The following ACAD10 variants were observed in gnomAD, a reference collection of about 807,000 sequenced individuals.
ACAD10 encodes ACAD-10.
A neutral mutation model predicts 116.8 loss-of-function variants in ACAD10; 112 were observed. That is an observed-to-expected ratio of 0.96 (90% confidence interval 0.82 to 1.12). The LOEUF (loss-of-function observed/expected upper bound fraction) is 1.12. Ranked by LOEUF, ACAD10 falls within the 50% of genes most tolerant of loss-of-function variation. The probability of loss-of-function intolerance (pLI) is 0.00; values close to 1 mark genes in which losing one functional copy is unlikely to be tolerated. For missense variants in ACAD10, 1,259 were observed against 1,350.2 expected (o/e 0.93, Z 1.06); for synonymous variants, 486 against 510.6 (o/e 0.95, Z 0.65).
chr12:111,740,774 C>T (rs1226794281), intron 12 of ACAD10, among the ~76,000 whole-genome samples: 1 of 127,238 alleles, frequency 7.9e-6, no homozygotes, highest in Non-Finnish European at 1.6e-5. Context: ...CAGAGCGAGA[C>T]TCCATCTCAA....
In ACAD10 at chr12:111,715,879, G is replaced by C. The variant is rs775170783; in HGVS notation, c.909G>C (p.Arg303Ser). ...AGTCAAATCCAACTTACTACATCAG[G>C]CTGGCTAATCGTGATCTAGTTCTGA... ...HGQSNPTYYIRLANRDLVLRK... is the reference protein window; with the variant it reads ...HGQSNPTYYISLANRDLVLRK... Residue 303 changes from arginine to serine, a missense_variant, in exon 7 of 21, where the codon AGG (arginine) becomes AGC (serine). Physicochemically the swap from Arg to Ser is moderately radical, Grantham distance 110 (BLOSUM62 -1). Coordinates refer to ENST00000313698, the MANE Select transcript of ACAD10 (RefSeq NM_025247.6). 6.2e-7 allele frequency: 1 copy of C among 1,614,120 alleles called. No homozygotes were observed. Among genetic ancestry groups the C allele is most frequent in the South Asian group, 1.1e-5 (1 of 91,082 alleles).
intron 5 of ACAD10, among the ~76,000 whole-genome samples, chr12:111,710,773 A>G (rs1026659837): frequency 7.9e-5 from 12 of 151,920 alleles, no homozygotes; most frequent in African/African-American, 2.7e-4. Flanking sequence ...CGGCCTCACC[A>G]CGCCCGGCCG....
intron 10 of ACAD10, 90 bp downstream of exon 10, chr12:111,730,046 G>A (rs1889343687): frequency 6.7e-7 from 1 of 1,491,538 alleles, no homozygotes; most frequent in Admixed American, 2.1e-5. Flanking sequence ...ATTTACAGCT[G>A]GGAATTATTC....
At chr12:111,689,430 G>A (rs1465674634) in intron 1 of ACAD10, among the ~76,000 whole-genome samples, 1 of 151,778 alleles carries the variant, frequency 6.6e-6, no homozygotes, top group African/African-American at 2.4e-5. Flanking sequence ...GGAGTGCAGT[G>A]GTGCAATCTT....
Position 111,712,502 on chromosome 12 carries a change from A to T in ACAD10, c.695A>T (p.Asn232Ile). ...ACATATTCTCTCTGAAACCAGGTTA[A>T]TGACCCAGAGACTGCAGTAAAGGAA... Reference protein sequence around the residue: ...ARLGIHTIKVNDPETAVKELE... With the variant: ...ARLGIHTIKVIDPETAVKELE... Residue 232 changes from asparagine (N) to isoleucine (I), a missense_variant, in exon 6 of 21, where the codon AAT becomes ATT. Coordinates refer to ENST00000313698, the MANE Select transcript of ACAD10 (RefSeq NM_025247.6). 8 of 1,611,692 alleles carry T rather than the reference A, an allele frequency of 5.0e-6. No individual in the cohort carries two copies. The highest frequency in any genetic ancestry group is 6.8e-6 in the Non-Finnish European group (8 of 1,179,208).
rs80294185 is a variant in ACAD10, at chr12:111,753,865, C to T, written c.2911C>T (p.Arg971Trp). ...AQSRVEIEQA[R>W]LLVLRAAHLM... is the part of the protein sequence containing the mutation. ...GTCGCGCGTGGAGATTGAGCAGGCACGGCTGCTGGTGCTGAGAGCTGCCCA... is the reference window on the plus strand; with the variant it reads ...GTCGCGCGTGGAGATTGAGCAGGCATGGCTGCTGGTGCTGAGAGCTGCCCA... Residue 971 changes from arginine (R) to tryptophan (W), a missense_variant, in exon 19 of 21, where the codon CGG becomes TGG. Coordinates refer to ENST00000313698, the MANE Select transcript of ACAD10 (RefSeq NM_025247.6). The T allele has an allele frequency of 3.0e-3, 4,801 of 1,613,076 alleles. 123 individuals carry two copies. In the African/African-American group the frequency reaches 0.054, roughly 18 times the overall value.
At chr12:111,742,721 T>G (rs1273886559) in intron 12 of ACAD10, among the ~76,000 whole-genome samples, 4 of 152,218 alleles carry the variant, frequency 2.6e-5, no homozygotes, top group Non-Finnish European at 5.9e-5. Context: ...AAATATTTAT[T>G]TTTTTGAGAC....
intron 7 of ACAD10, among the ~76,000 whole-genome samples, chr12:111,719,407 C>T (rs541479869): frequency 6.6e-6 from 1 of 152,138 alleles, no homozygotes; most frequent in African/African-American, 2.4e-5. Context: ...GCACATACCA[C>T]CATGCCTGGC....
intron 12 of ACAD10, among the ~76,000 whole-genome samples, chr12:111,739,723 A>G (rs1275104527): frequency 6.6e-6 from 1 of 152,124 alleles, no homozygotes; most frequent in African/African-American, 2.4e-5. Flanking sequence ...GCATCACCGC[A>G]GTCTAGCCTG....
rs200923059 is a variant in ACAD10 at position 111,734,014 on chromosome 12, G to A, written c.1486G>A (p.Val496Met). The change falls in exon 11 of 21, where the codon GTG becomes ATG. Residue 496 changes from valine (V) to methionine (M), a missense_variant. By Grantham distance (21) the Val-to-Met change is conservative (BLOSUM62 1). Transcript: ENST00000313698. ...LSTLGDPLADVAYSCLAHYLP... is the reference protein window; with the variant it reads ...LSTLGDPLADMAYSCLAHYLP... ...TACCTTGGGCGACCCCCTTGCTGAT[G>A]TGGCCTACAGCTGCCTGGCTCATTA... The A allele has an allele frequency of 6.2e-6, 10 of 1,614,106 alleles. No homozygotes were observed. The Admixed American group carries it at 6.7e-5, about 11-fold the overall frequency.
intron 5 of ACAD10, among the ~76,000 whole-genome samples, chr12:111,711,563 C>G (rs1432442578): frequency 8.3e-6 from 1 of 121,078 alleles, no homozygotes; most frequent in South Asian, 2.5e-4. Flanking sequence ...CTTGCTCTTT[C>G]GTCCAGTCCA....
At chr12:111,693,936 T>G (rs1261409135) in intron 2 of ACAD10, among the ~76,000 whole-genome samples, 4 of 152,174 alleles carry the variant, frequency 2.6e-5, no homozygotes, top group African/African-American at 9.7e-5. Context: ...CTTTATAGCA[T>G]GTTGCTCTGC....
chr12:111,702,358 AGT>A, intron 3 of ACAD10, 48 bp downstream of exon 3: 1 of 1,597,418 alleles, frequency 6.3e-7, no homozygotes, highest in Non-Finnish European at 8.5e-7. Context: ...TTTTGCCTTG[AGT>A]AGTGGTTGCA....
intron 7 of ACAD10, among the ~76,000 whole-genome samples, chr12:111,721,287 G>T (rs1200220771): frequency 1.3e-5 from 2 of 151,930 alleles, no homozygotes; most frequent in African/African-American, 4.8e-5. Flanking sequence ...GTAATTTCAG[G>T]CCAGGCACAA....
intron 9 of ACAD10, among the ~76,000 whole-genome samples, chr12:111,728,380 T>C (rs1260903770): frequency 2.0e-5 from 3 of 152,066 alleles, no homozygotes; most frequent in Non-Finnish European, 4.4e-5. Flanking sequence ...CTTTTTTTTT[T>C]CATTTTTTCT....
intron 16 of ACAD10, among the ~76,000 whole-genome samples, chr12:111,748,104 C>T (rs1013100257): frequency 3.9e-5 from 6 of 152,192 alleles, no homozygotes; most frequent in Non-Finnish European, 7.3e-5. Context: ...TAAAAACTTG[C>T]TCTTATGATG....
chr12:111,695,421 C>A (rs552034146), intron 2 of ACAD10, among the ~76,000 whole-genome samples: 10 of 152,310 alleles, frequency 6.6e-5, no homozygotes, highest in Admixed American at 2.0e-4. Context: ...GCAACCTGGG[C>A]AGAATGTTCC....
chr12:111,745,055 A>G lies in ACAD10; in HGVS notation c.2115+12A>G, dbSNP rs1181981488. On this transcript the variant is annotated intron_variant, in intron 13 of 20. Coordinates refer to ENST00000313698, the MANE Select transcript of ACAD10 (RefSeq NM_025247.6). ...TCGAAGACCTCAAGGTAAAGCAGCCATGGTGAGGTGGTAAGACCCCAATAC... is the reference window on the plus strand; with the variant it reads ...TCGAAGACCTCAAGGTAAAGCAGCCGTGGTGAGGTGGTAAGACCCCAATAC... 6.2e-6 allele frequency: 10 copies of G among 1,607,446 alleles called. No homozygotes were observed. Among genetic ancestry groups the G allele is most frequent in the Middle Eastern group, 1.7e-4 (1 of 6,048 alleles).
intron 2 of ACAD10, among the ~76,000 whole-genome samples, chr12:111,700,130 G>A (rs1267645530): frequency 6.6e-6 from 1 of 151,976 alleles, no homozygotes; most frequent in African/African-American, 2.4e-5. Flanking sequence ...TGAGGTGAAG[G>A]TTCATTTGAG....
Sources: gnomAD v4.1 joint callset for allele counts (sites outside exome capture counted in the v4.1 genomes callset) on GRCh38, gnomAD v4.1.1 for gene constraint, MANE v1.5 for transcripts, NCBI Gene and HGNC (gene_info 2026-07-23, HGNC 2026-07-21) for gene names.